Variants in ARMC9 observed in about 807,000 individuals in gnomAD.
ARMC9 encodes armadillo repeat containing 9, also known as lisH domain-containing protein ARMC9.
In ARMC9, 94 loss-of-function variants were observed where a neutral mutation model predicts 107.0. The observed-to-expected ratio is 0.88, with a 90% confidence interval of 0.74 to 1.04. ARMC9 has a LOEUF of 1.04. ARMC9 is among the 50% of genes least tolerant of loss of function. The pLI is 0.00. For synonymous variants in ARMC9, 380 were observed against 396.9 expected (o/e 0.96, Z 0.51); for missense variants, 942 against 1,030.1 (o/e 0.91, Z 1.17).
intron 11 of ARMC9, among the ~76,000 whole-genome samples, chr2:231,261,025 T>G (rs2038289609): frequency 6.6e-6 from 1 of 152,192 alleles, no homozygotes; most frequent in South Asian, 2.1e-4. Flanking sequence ...TGGCAGTGCC[T>G]GCTCTGGAGG....
intron 6 of ARMC9, among the ~76,000 whole-genome samples, chr2:231,224,974 C>T (rs1382109258): frequency 1.7e-4 from 26 of 152,212 alleles, no homozygotes; most frequent in Non-Finnish European, 4.4e-5. Flanking sequence ...AGAGACTAGG[C>T]AGGGCCTAGG....
intron 9 of ARMC9, among the ~76,000 whole-genome samples, chr2:231,244,378 T>G (rs992133183): frequency 5.3e-5 from 8 of 150,978 alleles, no homozygotes; most frequent in Non-Finnish European, 1.0e-4. Flanking sequence ...TTTTTTTTTT[T>G]TTTTTTGAGA....
intron 12 of ARMC9, among the ~76,000 whole-genome samples, chr2:231,265,384 A>G (rs1057127732): frequency 2.6e-5 from 4 of 152,324 alleles, no homozygotes. Context: ...AGAAAATGTA[A>G]TATATATACA....
chr2:231,244,449 T>G (rs561844969), intron 9 of ARMC9, among the ~76,000 whole-genome samples: 1 of 151,782 alleles, frequency 6.6e-6, no homozygotes, highest in East Asian at 1.9e-4. Context: ...CTCTGCTGCC[T>G]TGACCTCCTG....
chr2:231,202,509 A>T (rs970317542), intron 1 of ARMC9, among the ~76,000 whole-genome samples: 6 of 151,626 alleles, frequency 4.0e-5, no homozygotes, highest in Non-Finnish European at 7.4e-5. Context: ...TTCTGTAGAG[A>T]TGAGGTTTCA....
At chr2:231,232,804 G>T (rs559089477) in intron 7 of ARMC9, among the ~76,000 whole-genome samples, 2 of 152,156 alleles carry the variant, frequency 1.3e-5, no homozygotes, top group East Asian at 1.9e-4. Context: ...TGTGGATGTT[G>T]AATAATAATA....
At chr2:231,342,332 C>T (rs144819329) in intron 20 of ARMC9, among the ~76,000 whole-genome samples, 150 of 152,316 alleles carry the variant, frequency 9.8e-4, no homozygotes, top group Middle Eastern at 3.4e-3. Flanking sequence ...AATTATTTTC[C>T]AGGTTTCTGT....
Position 231,258,955 on chromosome 2 carries a change from C to T in ARMC9, c.915-36C>T, listed in dbSNP as rs1021916557. The stretch of plus-strand genomic sequence containing the variant: ...AGGTGTAATAAACATGCCCTTTTGC[C>T]CTTTTCTTTCTCTTTGAACTTGTGT... On this transcript the variant is annotated intron_variant, in intron 10 of 24. Coordinates refer to ENST00000611582, the MANE Select transcript of ARMC9 (RefSeq NM_001352754.2). The T allele has an allele frequency of 6.4e-6, 10 of 1,557,508 alleles. No homozygotes were observed. In the African/African-American group the frequency reaches 1.1e-4, roughly 17 times the overall value.
intron 22 of ARMC9, among the ~76,000 whole-genome samples, chr2:231,356,702 G>T (rs2045357930): frequency 6.6e-6 from 1 of 152,160 alleles, no homozygotes; most frequent in African/African-American, 2.4e-5. Context: ...TGGGTCTCTT[G>T]GTGATGAGCA....
intron 19 of ARMC9, among the ~76,000 whole-genome samples, chr2:231,317,917 A>G (rs976179689): frequency 3.3e-5 from 5 of 152,008 alleles, no homozygotes; most frequent in Non-Finnish European, 7.4e-5. Flanking sequence ...ACTTCTGAGC[A>G]CATTTTCCTT....
chr2:231,256,958 G>A (rs1229098818), intron 10 of ARMC9, among the ~76,000 whole-genome samples: 2 of 152,114 alleles, frequency 1.3e-5, no homozygotes, highest in Non-Finnish European at 2.9e-5. Context: ...CCCGATTACA[G>A]GCATACGCCA....
intron 5 of ARMC9, among the ~76,000 whole-genome samples, chr2:231,218,369 A>T (rs1236415848): frequency 2.0e-5 from 3 of 152,140 alleles, no homozygotes; most frequent in Admixed American, 6.5e-5. Context: ...AATAAATTTT[A>T]AAAAATTAAA....
At chr2:231,326,834 G>A (rs2043352713) in intron 19 of ARMC9, among the ~76,000 whole-genome samples, 2 of 152,150 alleles carry the variant, frequency 1.3e-5, no homozygotes, top group Admixed American at 1.3e-4. Flanking sequence ...ACTCATTTTT[G>A]CAGAATAGAG....
Position 231,273,004 on chromosome 2 carries a change from A to G in ARMC9, c.1260A>G (p.Gly420=), listed in dbSNP as rs749255894. 1 of 1,613,836 alleles carries G rather than the reference A, an allele frequency of 6.2e-7. No individual in the cohort carries two copies. The highest frequency in any genetic ancestry group is 2.2e-5 in the East Asian group (1 of 44,880). Reference sequence around the variant, plus strand: ...CAAAGGTGCTGCAGATGCTGGAGGGAAGGCTGAAGGAGGAGGACAAGGATA... The same window carrying G: ...CAAAGGTGCTGCAGATGCTGGAGGGGAGGCTGAAGGAGGAGGACAAGGATA... The part of the protein sequence containing the change: ...QNTKVLQMLE[G]RLKEEDKDII... The change falls in exon 14 of 25, where the codon GGA becomes GGG. Residue 420 remains glycine, a synonymous_variant. Coordinates refer to ENST00000611582, the MANE Select transcript of ARMC9 (RefSeq NM_001352754.2).
intron 21 of ARMC9, among the ~76,000 whole-genome samples, chr2:231,355,019 C>T (rs1229944213): frequency 1.3e-5 from 2 of 152,196 alleles, no homozygotes; most frequent in Non-Finnish European, 2.9e-5. Context: ...CTGTTCTGCA[C>T]ACATCCTTTA....
intron 24 of ARMC9, chr2:231,370,847 C>A: frequency 3.4e-6 from 1 of 292,878 alleles, no homozygotes; most frequent in East Asian, 1.1e-4. Context: ...AAGGACAGAA[C>A]AAAAGGCCAG....
chr2:231,277,137 CA>C (rs1418448526), intron 15 of ARMC9, among the ~76,000 whole-genome samples: 3 of 152,166 alleles, frequency 2.0e-5, no homozygotes, highest in African/African-American at 7.2e-5. Flanking sequence ...GCCGCAGTAG[CA>C]GTGACACTAA....
In ARMC9 at chr2:231,312,548, C is replaced by G. The variant is rs76959279; in HGVS notation, c.1773+16295C>G. Among the ~76,000 whole-genome samples, 82 of 151,256 alleles carry G rather than the reference C, an allele frequency of 5.4e-4. 1 individual carries two copies. In the East Asian group the frequency reaches 0.015, roughly 28 times the overall value. On this transcript the variant is annotated intron_variant, in intron 19 of 24. Coordinates refer to ENST00000611582, the MANE Select transcript of ARMC9 (RefSeq NM_001352754.2). ...CAGGGAGATTCTTCTCCGAACAAAC[C>G]GTTTGAAGATAGTCTTTGTGTGCAA... is the stretch of plus-strand genomic sequence containing the variant.
In ARMC9 at chr2:231,239,948, C is replaced by G. The variant is rs1365831022; in HGVS notation, c.786C>G (p.Thr262=). The change falls in exon 9 of 25, where the codon ACC becomes ACG. Residue 262 remains threonine, a synonymous_variant. Transcript: ENST00000611582. ...TCTTTGTATCCTCCTTGCAGATCAC[C>G]CCTGAGTACCTCCAGAGCGTCTGTG... ...LEATVSGKMI[T]PEYLQSVCVR... The G allele has an allele frequency of 1.2e-6, 2 of 1,613,760 alleles. No individual in the cohort carries two copies. Among genetic ancestry groups the G allele is most frequent in the Non-Finnish European group, 1.7e-6 (2 of 1,179,836 alleles).
Sources: gnomAD v4.1 joint callset for allele counts (sites outside exome capture counted in the v4.1 genomes callset) on GRCh38, gnomAD v4.1.1 for gene constraint, MANE v1.5 for transcripts, NCBI Gene and HGNC (gene_info 2026-07-23, HGNC 2026-07-21) for gene names.